ATP8A1: variants seen among roughly 807,000 people sequenced by gnomAD.
The protein encoded by ATP8A1 is ATPase phospholipid transporting 8A1.
In ATP8A1, 90 loss-of-function variants were observed where a neutral mutation model predicts 177.7. The ratio of observed to expected loss-of-function variants is 0.51; its 90% CI spans 0.43 to 0.60. The LOEUF (loss-of-function observed/expected upper bound fraction) is 0.60. Among genes scored for constraint, ATP8A1 ranks in the 20% least tolerant of loss-of-function variants. The probability of loss-of-function intolerance (pLI) is 0.00; values close to 1 mark genes in which losing one functional copy is unlikely to be tolerated. For missense variants in ATP8A1, 1,072 were observed against 1,392.8 expected, an observed-to-expected ratio of 0.77 and a Z score of 3.67; for synonymous variants, 493 against 485.9, an observed-to-expected ratio of 1.01 and a Z score of -0.19.
Position 42,458,977 on chromosome 4 carries a change from T to C in ATP8A1, c.2620-3378A>G, listed in dbSNP as rs115073679. ...TAGAGACATTCAATGATGTGTTTTC[T>C]GTCTATTCATTCACAGTATTGACAT... On this transcript the variant is annotated intron_variant, in intron 27 of 36. Coordinates refer to ENST00000381668, the MANE Select transcript of ATP8A1 (RefSeq NM_006095.2). 6.6e-3 allele frequency among the ~76,000 whole-genome samples: 1,000 copies of C among 152,368 alleles called. 6 individuals carry two copies. The highest frequency in any genetic ancestry group is 0.011 in the Non-Finnish European group (718 of 68,034).
At chr4:42,459,729 C>T (rs114690278) in intron 27 of ATP8A1, among the ~76,000 whole-genome samples, 2,851 of 152,168 alleles carry the variant, frequency 0.019, 100 homozygotes, top group African/African-American at 0.065. Flanking sequence ...CAGTAATGAA[C>T]GAGTAAGTTC....
chr4:42,587,305 CTTTTCT>C (rs1202034809), intron 8 of ATP8A1, among the ~76,000 whole-genome samples: 2 of 146,754 alleles, frequency 1.4e-5, no homozygotes, highest in African/African-American at 5.1e-5. Context: ...AGCTTCTTTT[CTTTTCT>C]TTTTTTTTTT....
chr4:42,619,656 G>T (rs947494969), intron 4 of ATP8A1, among the ~76,000 whole-genome samples: 2 of 150,962 alleles, frequency 1.3e-5, no homozygotes, highest in African/African-American at 2.4e-5. Context: ...TATATATATA[G>T]AGAGATTTAA....
intron 20 of ATP8A1, among the ~76,000 whole-genome samples, chr4:42,540,291 G>A (rs779186257): frequency 2.0e-4 from 30 of 152,124 alleles, no homozygotes; most frequent in Admixed American, 1.3e-4. Flanking sequence ...TGATGTAGGC[G>A]AGGATGTGGA....
chr4:42,522,047 T>C (rs1259593857), intron 22 of ATP8A1, 113 bp downstream of exon 22: 7 of 1,195,886 alleles, frequency 5.9e-6, no homozygotes, highest in South Asian at 1.6e-5. Flanking sequence ...GGGTATTCAA[T>C]AGTGAATGGT....
chr4:42,611,497 T>C (rs183509017), intron 5 of ATP8A1, among the ~76,000 whole-genome samples: 49 of 152,324 alleles, frequency 3.2e-4, no homozygotes, highest in African/African-American at 1.1e-3. Context: ...ATATGCAGAA[T>C]GTATACAGAC....
At chr4:42,441,086 C>G (rs10025096) in intron 33 of ATP8A1, among the ~76,000 whole-genome samples, 149,746 of 152,276 alleles carry the variant, frequency 0.98, 73,669 homozygotes, top group Non-Finnish European at 1. Context: ...CTCAAGTTCT[C>G]GGGGCTGCTC....
chr4:42,576,392 C>T (rs1022616194), intron 12 of ATP8A1, among the ~76,000 whole-genome samples: 11 of 132,906 alleles, frequency 8.3e-5, no homozygotes, highest in Admixed American at 2.7e-4. Flanking sequence ...AGGAGAATGG[C>T]GTGAACCCGG....
At chr4:42,635,810 T>TATATATATATAC (rs1305090729) in intron 1 of ATP8A1, among the ~76,000 whole-genome samples, 70 of 103,850 alleles carry the variant, frequency 6.7e-4, no homozygotes, top group African/African-American at 2.5e-3. Context: ...TATATATATA[T>TATATATATATAC]ACACATGTAT....
At chr4:42,548,212 C>T (rs968032014) in intron 19 of ATP8A1, among the ~76,000 whole-genome samples, 12 of 152,148 alleles carry the variant, frequency 7.9e-5, no homozygotes, top group African/African-American at 2.9e-4. Flanking sequence ...TACGGTTTTT[C>T]AAATCCTGAA....
At chr4:42,413,582 T>C (rs1162830988) in intron 36 of ATP8A1, among the ~76,000 whole-genome samples, 1 of 152,232 alleles carries the variant, frequency 6.6e-6, no homozygotes, top group Non-Finnish European at 1.5e-5. Flanking sequence ...CATTCTCTCG[T>C]AGACTTAAAA....
At chr4:42,433,856 T>TA (rs35018755) in intron 33 of ATP8A1, among the ~76,000 whole-genome samples, 7,628 of 139,308 alleles carry the variant, frequency 0.055, 250 homozygotes, top group African/African-American at 0.074. Flanking sequence ...AAGAGAGTAA[T>TA]AAAAAAAAAA....
intron 33 of ATP8A1, among the ~76,000 whole-genome samples, chr4:42,434,905 T>C (rs1439698245): frequency 6.6e-6 from 1 of 152,222 alleles, no homozygotes; most frequent in Non-Finnish European, 1.5e-5. Context: ...GCAGATTCCA[T>C]ACCAGTCCTG....
chr4:42,655,402 C>A (rs1014829999), intron 1 of ATP8A1, among the ~76,000 whole-genome samples: 1 of 152,176 alleles, frequency 6.6e-6, no homozygotes. Context: ...TTTTTCTCTT[C>A]CCCTTATTTC....
intron 24 of ATP8A1, among the ~76,000 whole-genome samples, chr4:42,492,715 C>T (rs971051365): frequency 2.0e-5 from 3 of 152,164 alleles, no homozygotes; most frequent in African/African-American, 4.8e-5. Context: ...AAGACAATTT[C>T]GTTATTCTTG....
At chr4:42,522,338 AT>A in intron 21 of ATP8A1, 39 bp from the exon 22 acceptor site, 1 of 1,597,716 alleles carries the variant, frequency 6.3e-7, no homozygotes, top group Non-Finnish European at 8.5e-7. Context: ...CACACCAAAG[AT>A]TTTCTTCAGA....
chr4:42,426,230 C>A (rs1035707788), intron 33 of ATP8A1, among the ~76,000 whole-genome samples: 3 of 152,224 alleles, frequency 2.0e-5, no homozygotes, highest in African/African-American at 4.8e-5. Flanking sequence ...CCACGCCAGA[C>A]AGAAACCCTT....
At chr4:42,453,524 C>T (rs1487926598) in intron 29 of ATP8A1, among the ~76,000 whole-genome samples, 2 of 152,058 alleles carry the variant, frequency 1.3e-5, no homozygotes, top group East Asian at 3.8e-4. Flanking sequence ...CTTTTTTCAA[C>T]AATAAAAGAT....
intron 29 of ATP8A1, among the ~76,000 whole-genome samples, chr4:42,454,961 A>G (rs1325273239): frequency 6.6e-6 from 1 of 152,206 alleles, no homozygotes; most frequent in Non-Finnish European, 1.5e-5. Flanking sequence ...GTGAGGAGTG[A>G]GCATGTCACC....
Sources: gnomAD v4.1 joint callset for allele counts (sites outside exome capture counted in the v4.1 genomes callset) on GRCh38, gnomAD v4.1.1 for gene constraint, MANE v1.5 for transcripts, NCBI Gene and HGNC (gene_info 2026-07-23, HGNC 2026-07-21) for gene names.